Variants in FGF12 observed in about 807,000 individuals in gnomAD.
FGF12 encodes the protein fibroblast growth factor 12B.
FGF12 carries 14 observed loss-of-function variants against 23.6 expected under a neutral mutation model. The observed-to-expected ratio is 0.59, with a 90% CI of 0.39 to 0.93. FGF12 has a LOEUF of 0.93. Ranked by LOEUF, FGF12 falls within the 40% of genes least tolerant of loss-of-function variation. The probability of loss-of-function intolerance (pLI) is 0.00; values close to 1 mark genes in which losing one functional copy is unlikely to be tolerated. For synonymous variants in FGF12, 62 were observed against 77.3 expected, an observed-to-expected ratio of 0.80 and a Z score of 1.04; for missense variants, 175 against 217.8, an observed-to-expected ratio of 0.80 and a Z score of 1.24.
At chr3:192,666,148 T>C (rs1031920418) in intron 2 of FGF12, among the ~76,000 whole-genome samples, 6 of 152,162 alleles carry the variant, frequency 3.9e-5, no homozygotes, top group African/African-American at 1.4e-4. Flanking sequence ...AACAATAAAA[T>C]AAACATTAAA....
chr3:192,143,148 T>C lies in FGF12; in HGVS notation c.*861A>G, dbSNP rs1313346638. On this transcript the variant is annotated 3_prime_UTR_variant, in exon 6 of 6. Coordinates refer to ENST00000445105, the MANE Select transcript of FGF12 (RefSeq NM_004113.6). ...CCAAATGCTAAGAGCAAGTAACTTATACCTCACCACCTGGACATGGCACTG... is the reference window on the plus strand; with the variant it reads ...CCAAATGCTAAGAGCAAGTAACTTACACCTCACCACCTGGACATGGCACTG... The C allele has an allele frequency of 6.7e-6, 1 of 150,272 alleles. No homozygotes were observed. The highest frequency in any genetic ancestry group is 2.5e-5 in the African/African-American group (1 of 40,704). The allele number at this position is 150,272 out of a possible 1,614,324, so 9.3% of individuals were successfully genotyped here.
At chr3:192,217,438 G>C (rs1718247356) in intron 4 of FGF12, among the ~76,000 whole-genome samples, 1 of 152,128 alleles carries the variant, frequency 6.6e-6, no homozygotes, top group African/African-American at 2.4e-5. Context: ...TAATCCAGGG[G>C]AAGAAGTGGG....
At chr3:192,492,507 C>T (rs2108826930) in intron 2 of FGF12, among the ~76,000 whole-genome samples, 1 of 152,118 alleles carries the variant, frequency 6.6e-6, no homozygotes, top group African/African-American at 2.4e-5. Flanking sequence ...GAAACAGTCT[C>T]ATTTCCTCAG....
At chr3:192,608,296 G>A (rs1027342740) in intron 2 of FGF12, among the ~76,000 whole-genome samples, 1 of 152,084 alleles carries the variant, frequency 6.6e-6, no homozygotes, top group Non-Finnish European at 1.5e-5. Flanking sequence ...AACTAAAAGA[G>A]TATAATTGGA....
At chr3:192,495,535 T>A (rs1183625004) in intron 2 of FGF12, among the ~76,000 whole-genome samples, 1 of 152,200 alleles carries the variant, frequency 6.6e-6, no homozygotes, top group Non-Finnish European at 1.5e-5. Context: ...TTTACAGAAC[T>A]CCAGGATGCT....
In FGF12 at chr3:192,607,152, A is replaced by G. The variant is rs139313529; in HGVS notation, c.13+120029T>C. On this transcript the variant is annotated intron_variant, in intron 2 of 5. Transcript: ENST00000445105. ...ACAGCTACAACCAGAGTCATTAGCCATTGACTACTGGACATAAGAGGCTTG... is the reference window on the plus strand; with the variant it reads ...ACAGCTACAACCAGAGTCATTAGCCGTTGACTACTGGACATAAGAGGCTTG... Among the ~76,000 whole-genome samples, 20 of 152,264 alleles carry G rather than the reference A, an allele frequency of 1.3e-4. No homozygotes were observed. In the East Asian group the frequency reaches 3.5e-3, roughly 26 times the overall value.
intron 2 of FGF12, among the ~76,000 whole-genome samples, chr3:192,720,535 G>A (rs1484725025): frequency 3.3e-5 from 5 of 152,228 alleles, no homozygotes; most frequent in Non-Finnish European, 5.9e-5. Flanking sequence ...TGCTCTGCAT[G>A]CAAGGATGCT....
intron 2 of FGF12, among the ~76,000 whole-genome samples, chr3:192,507,975 C>A (rs901605226): frequency 6.6e-6 from 1 of 152,142 alleles, no homozygotes; most frequent in Non-Finnish European, 1.5e-5. Flanking sequence ...CAAGTTCCTC[C>A]AAGTTAAGCA....
rs1224127302 is a variant in FGF12, at chr3:192,243,447, T to C, written c.229-72791A>G. On this transcript the variant is annotated intron_variant, in intron 4 of 5. Coordinates refer to ENST00000445105, the MANE Select transcript of FGF12 (RefSeq NM_004113.6). ...CAGAAGTCCAAATAAGTAAAGCATA[T>C]ATGTATATTCAAGGTAGCATTTAAC... Among the ~76,000 whole-genome samples the C allele has an allele frequency of 2.0e-5, 3 of 151,612 alleles. No homozygotes were observed. In the East Asian group the frequency reaches 5.8e-4, roughly 29 times the overall value.
intron 2 of FGF12, among the ~76,000 whole-genome samples, chr3:192,650,060 C>T (rs963059935): frequency 6.6e-6 from 1 of 152,224 alleles, no homozygotes; most frequent in Admixed American, 6.5e-5. Flanking sequence ...ATGTAGGAAA[C>T]AGTCTTTCAC....
intron 2 of FGF12, among the ~76,000 whole-genome samples, chr3:192,365,798 C>T (rs1001090034): frequency 6.6e-6 from 1 of 151,758 alleles, no homozygotes; most frequent in Non-Finnish European, 1.5e-5. Flanking sequence ...ACGTTCCTGC[C>T]GGCTTGACAG....
Position 192,550,401 on chromosome 3 carries a change from A to G in FGF12, c.13+176780T>C, listed in dbSNP as rs144462805. Among the ~76,000 whole-genome samples the G allele has an allele frequency of 1.0e-3, 156 of 149,762 alleles. 4 individuals are homozygous for G. The East Asian group carries it at 0.03, about 28-fold the overall frequency. On this transcript the variant is annotated intron_variant, in intron 2 of 5. Transcript: ENST00000445105. ...CATAATATATAATGTAATTACATATATTACATATATAACATATTATATATT... is the reference window on the plus strand; with the variant it reads ...CATAATATATAATGTAATTACATATGTTACATATATAACATATTATATATT...
chr3:192,636,304 T>C (rs576213872), intron 2 of FGF12, among the ~76,000 whole-genome samples: 3 of 152,338 alleles, frequency 2.0e-5, no homozygotes, highest in South Asian at 4.1e-4. Context: ...TAAATAAAAG[T>C]TGAAATTTAT....
chr3:192,245,915 T>C (rs147195984), intron 4 of FGF12, among the ~76,000 whole-genome samples: 7 of 152,268 alleles, frequency 4.6e-5, no homozygotes, highest in African/African-American at 9.6e-5. Flanking sequence ...ATAAATGTAA[T>C]AGTAAAAAAG....
At chr3:192,358,242 C>T (rs1193754357) in intron 3 of FGF12, among the ~76,000 whole-genome samples, 1 of 151,906 alleles carries the variant, frequency 6.6e-6, no homozygotes, top group Non-Finnish European at 1.5e-5. Context: ...GAAAACACAA[C>T]AAGAAGGTTA....
intron 4 of FGF12, among the ~76,000 whole-genome samples, chr3:192,298,513 G>A (rs1019659977): frequency 6.6e-6 from 1 of 152,196 alleles, no homozygotes; most frequent in African/African-American, 2.4e-5. Flanking sequence ...AGCATTTCGG[G>A]AGGCCGAGGT....
intron 2 of FGF12, among the ~76,000 whole-genome samples, chr3:192,428,967 G>C (rs1216361711): frequency 1.3e-5 from 2 of 151,852 alleles, no homozygotes; most frequent in Admixed American, 1.3e-4. Flanking sequence ...CCTTCTTAAA[G>C]ACCCATGGAT....
chr3:192,228,081 C>T (rs1450642464), intron 4 of FGF12, among the ~76,000 whole-genome samples: 1 of 151,722 alleles, frequency 6.6e-6, no homozygotes, highest in Admixed American at 6.6e-5. Context: ...GATCTATTGC[C>T]CACCATGGTG....
At chr3:192,197,607 C>A (rs1333701983) in intron 4 of FGF12, among the ~76,000 whole-genome samples, 1 of 152,100 alleles carries the variant, frequency 6.6e-6, no homozygotes, top group Non-Finnish European at 1.5e-5. Context: ...CTGAACTCAC[C>A]AATGAGGTAA....
Sources: gnomAD v4.1 joint callset for allele counts (sites outside exome capture counted in the v4.1 genomes callset) on GRCh38, gnomAD v4.1.1 for gene constraint, MANE v1.5 for transcripts, NCBI Gene and HGNC (gene_info 2026-07-23, HGNC 2026-07-21) for gene names.